PPP1R12A: variants seen among roughly 807,000 people sequenced by gnomAD.
The protein encoded by PPP1R12A is protein phosphatase 1 regulatory subunit 12A.
PPP1R12A carries 19 observed loss-of-function variants against 139.6 expected under a neutral mutation model. The observed-to-expected ratio is 0.14, with a 90% confidence interval of 0.09 to 0.20. The LOEUF is 0.20. PPP1R12A is among the 10% of genes least tolerant of loss of function. The pLI, the probability that PPP1R12A is intolerant of heterozygous loss-of-function variation, is 1.00. For missense variants in PPP1R12A, 925 were observed against 1,211.5 expected (o/e 0.76, Z 3.51); for synonymous variants, 427 against 420.6 (o/e 1.02, Z -0.19).
In PPP1R12A at chr12:79,797,204, C is replaced by A. The variant is rs771419117; in HGVS notation, c.2283G>T (p.Thr761=). 4 of 1,582,532 alleles carry A rather than the reference C, an allele frequency of 2.5e-6. No individual in the cohort carries two copies. Among genetic ancestry groups the A allele is most frequent in the African/African-American group, 2.7e-5 (2 of 73,898 alleles). The change falls in exon 16 of 25, where the codon ACG becomes ACT. Residue 761 remains threonine (T), a synonymous_variant. Transcript: ENST00000450142. ...TTTGATATACTGTTACCTCATCATACGTTCTGGAGTACTTTTGTTTATATT... is the reference window on the plus strand; with the variant it reads ...TTTGATATACTGTTACCTCATCATAAGTTCTGGAGTACTTTTGTTTATATT... The part of the protein sequence containing the change: ...EDEYKQKYSR[T]YDETYQRYRP...
intron 2 of PPP1R12A, among the ~76,000 whole-genome samples, chr12:79,861,433 T>C (rs1167579150): frequency 6.6e-6 from 1 of 152,126 alleles, no homozygotes; most frequent in Admixed American, 6.5e-5. Flanking sequence ...CCAACTGAGG[T>C]ACCTGCTTCA....
rs543284684 is a variant in PPP1R12A, at chr12:79,797,430, T to G, written c.2092-35A>C. 134 of 1,511,246 alleles carry G rather than the reference T, an allele frequency of 8.9e-5. No individual in the cohort carries two copies. In the South Asian group the frequency reaches 1.6e-3, roughly 18 times the overall value. The allele number at this position is 1,511,246 out of a possible 1,614,324, so 93.6% of individuals were successfully genotyped here. ...CAAAAAGATCAATATAATTATGAGA[T>G]GCATTAAAGCTTGTTTCAAGGAATA... On this transcript the variant is annotated intron_variant, in intron 15 of 24. Coordinates refer to ENST00000450142, the MANE Select transcript of PPP1R12A (RefSeq NM_002480.3).
At chr12:79,876,657 T>G (rs1342072780) in intron 1 of PPP1R12A, among the ~76,000 whole-genome samples, 1 of 152,172 alleles carries the variant, frequency 6.6e-6, no homozygotes, top group Non-Finnish European at 1.5e-5. Flanking sequence ...TAAATTTTCC[T>G]TAACTACCAT....
chr12:79,815,775 C>A (rs1483718812), intron 9 of PPP1R12A, among the ~76,000 whole-genome samples: 1 of 152,142 alleles, frequency 6.6e-6, no homozygotes, highest in Non-Finnish European at 1.5e-5. Flanking sequence ...TTAACTGAAG[C>A]ATACATAATT....
chr12:79,899,491 C>T (rs1259849492), intron 1 of PPP1R12A, among the ~76,000 whole-genome samples: 1 of 151,898 alleles, frequency 6.6e-6, no homozygotes, highest in African/African-American at 2.4e-5. Context: ...TAGAACGTAT[C>T]TTTATTTTGT....
At chr12:79,835,005 G>T (rs1877897416) in intron 3 of PPP1R12A, among the ~76,000 whole-genome samples, 1 of 152,158 alleles carries the variant, frequency 6.6e-6, no homozygotes, top group African/African-American at 2.4e-5. Context: ...GTTTCCAGAG[G>T]AAAGTGACAT....
rs907681788 is a variant in PPP1R12A, at chr12:79,915,337, T to C, written c.237+19358A>G. ...TTGTTTTTCTCTGTAGAACTAACTT[T>C]GTTATATGAAGCCATTCCCTTGGCA... On this transcript the variant is annotated intron_variant, in intron 1 of 24. Transcript: ENST00000450142. Among the ~76,000 whole-genome samples the C allele has an allele frequency of 2.6e-5, 4 of 152,148 alleles. 1 individual carries two copies. The highest frequency in any genetic ancestry group is 2.6e-4 in the Admixed American group (4 of 15,280).
At chr12:79,799,727 G>C (rs112391921) in intron 14 of PPP1R12A, among the ~76,000 whole-genome samples, 3 of 152,196 alleles carry the variant, frequency 2.0e-5, no homozygotes, top group African/African-American at 7.2e-5. Context: ...AAGTTAAGTA[G>C]GGCTGGGTGT....
At chr12:79,864,131 C>T (rs542742405) in intron 2 of PPP1R12A, among the ~76,000 whole-genome samples, 30 of 152,236 alleles carry the variant, frequency 2.0e-4, no homozygotes, top group African/African-American at 7.2e-4. Flanking sequence ...GAAATCACAA[C>T]AAACTGTCTC....
At chr12:79,919,518 G>A (rs1887270981) in intron 1 of PPP1R12A, among the ~76,000 whole-genome samples, 1 of 150,428 alleles carries the variant, frequency 6.6e-6, no homozygotes, top group Non-Finnish European at 1.5e-5. Context: ...TCACGCCACT[G>A]CACTGCAGCC....
chr12:79,862,115 A>T (rs1881405654), intron 2 of PPP1R12A, among the ~76,000 whole-genome samples: 1 of 152,194 alleles, frequency 6.6e-6, no homozygotes, highest in South Asian at 2.1e-4. Context: ...AAGCTTCTAG[A>T]GGAAGGATCA....
At chr12:79,922,006 T>G (rs1027524463) in intron 1 of PPP1R12A, among the ~76,000 whole-genome samples, 1 of 152,228 alleles carries the variant, frequency 6.6e-6, no homozygotes, top group Non-Finnish European at 1.5e-5. Flanking sequence ...ATCCAAGCAC[T>G]TTGGGATGCC....
chr12:79,922,549 A>T (rs376109145), intron 1 of PPP1R12A, among the ~76,000 whole-genome samples: 33 of 152,302 alleles, frequency 2.2e-4, no homozygotes, highest in African/African-American at 7.7e-4. Context: ...GACATGGATG[A>T]AGCTGGAAGC....
intron 1 of PPP1R12A, among the ~76,000 whole-genome samples, chr12:79,906,145 A>G (rs1158810543): frequency 6.6e-6 from 1 of 152,200 alleles, no homozygotes; most frequent in Admixed American, 6.5e-5. Flanking sequence ...AAATGAATGA[A>G]TGAGTGAACT....
intron 2 of PPP1R12A, among the ~76,000 whole-genome samples, chr12:79,855,725 T>C (rs1050923624): frequency 6.6e-5 from 10 of 151,888 alleles, no homozygotes; most frequent in African/African-American, 2.2e-4. Flanking sequence ...AAACCACACA[T>C]TTACAGTTAA....
chr12:79,830,029 C>T (rs1877232853), intron 4 of PPP1R12A, among the ~76,000 whole-genome samples: 1 of 151,672 alleles, frequency 6.6e-6, no homozygotes, highest in Admixed American at 6.6e-5. Flanking sequence ...AAGAAGGTTA[C>T]ATTTGAAACA....
chr12:79,835,201 T>C (rs1877922454), intron 3 of PPP1R12A, among the ~76,000 whole-genome samples: 1 of 152,170 alleles, frequency 6.6e-6, no homozygotes, highest in Non-Finnish European at 1.5e-5. Flanking sequence ...ACTTTTGGAC[T>C]CTGGGACTTG....
At chr12:79,812,624 C>A (rs1207910034) in intron 9 of PPP1R12A, among the ~76,000 whole-genome samples, 1 of 152,018 alleles carries the variant, frequency 6.6e-6, no homozygotes, top group African/African-American at 2.4e-5. Flanking sequence ...ATTCTCCAGT[C>A]CAGTCTCCTA....
At chr12:79,818,853 G>GA (rs1293633079) in intron 8 of PPP1R12A, 2 of 152,120 alleles carry the variant, frequency 1.3e-5, no homozygotes, top group African/African-American at 4.8e-5. Context: ...GTTTCCCAAG[G>GA]AAATAACCTT....
Sources: allele counts gnomAD v4.1 joint callset (sites outside exome capture counted in the v4.1 genomes callset), GRCh38; gene constraint gnomAD v4.1.1; transcripts MANE v1.5; gene names NCBI Gene and HGNC (gene_info 2026-07-23, HGNC 2026-07-21).